Variants in MACROD2 observed in about 807,000 individuals in gnomAD.
The protein encoded by MACROD2 is mono-ADP ribosylhydrolase 2.
A neutral mutation model predicts 70.4 loss-of-function variants in MACROD2; 36 were observed. The observed-to-expected ratio is 0.51, with a 90% CI of 0.39 to 0.68. The LOEUF (loss-of-function observed/expected upper bound fraction) is 0.68, where lower values mean the gene tolerates loss of function less well. Ranked by LOEUF, MACROD2 falls within the 30% of genes least tolerant of loss-of-function variation. The pLI is 0.00. For missense variants in MACROD2, 496 were observed against 538.4 expected (o/e 0.92, Z 0.78); for synonymous variants, 172 against 178.8 (o/e 0.96, Z 0.30).
chr20:15,609,537 G>T (rs2048938335), intron 8 of MACROD2, among the ~76,000 whole-genome samples: 1 of 152,168 alleles, frequency 6.6e-6, no homozygotes, highest in South Asian at 2.1e-4. Flanking sequence ...GGAATACAGA[G>T]AATTCAGTTT....
At chr20:15,048,015 G>A (rs1056179625) in intron 5 of MACROD2, among the ~76,000 whole-genome samples, 3 of 152,206 alleles carry the variant, frequency 2.0e-5, no homozygotes, top group African/African-American at 7.2e-5. Flanking sequence ...TGTAATTCCA[G>A]CACTTTAAGA....
intron 5 of MACROD2, among the ~76,000 whole-genome samples, chr20:14,737,718 TTTTTCATA>T (rs2071684416): frequency 6.6e-6 from 1 of 152,218 alleles, no homozygotes; most frequent in Non-Finnish European, 1.5e-5. Context: ...TGATGAGCTT[TTTTTCATA>T]TGTTCATTGG....
chr20:14,063,005 C>T (rs1291622903), intron 2 of MACROD2, among the ~76,000 whole-genome samples: 1 of 152,104 alleles, frequency 6.6e-6, no homozygotes. Flanking sequence ...ATCTTGCAGT[C>T]TGCTTCAAAA....
At chr20:15,487,674 G>T (rs1052557725) in intron 7 of MACROD2, among the ~76,000 whole-genome samples, 6 of 152,090 alleles carry the variant, frequency 3.9e-5, no homozygotes, top group South Asian at 4.1e-4. Context: ...CATGGCCAAG[G>T]TCTGTCTTAA....
At chr20:15,660,014 G>A (rs1046830111) in intron 8 of MACROD2, among the ~76,000 whole-genome samples, 1 of 152,180 alleles carries the variant, frequency 6.6e-6, no homozygotes, top group East Asian at 1.9e-4. Flanking sequence ...GTTTCATGAA[G>A]GTAGAGTCTG....
chr20:14,378,054 T>G (rs2083388654), intron 3 of MACROD2, among the ~76,000 whole-genome samples: 1 of 152,230 alleles, frequency 6.6e-6, no homozygotes, highest in Admixed American at 6.5e-5. Context: ...GTAGTGGTTC[T>G]CAAACTTAGC....
intron 5 of MACROD2, among the ~76,000 whole-genome samples, chr20:15,042,746 A>G (rs149638226): frequency 1.1e-4 from 17 of 152,314 alleles, no homozygotes; most frequent in African/African-American, 4.1e-4. Context: ...GGAAATCTTA[A>G]TGATGAACTC....
chr20:16,035,761 T>C (rs2067226451), intron 15 of MACROD2, among the ~76,000 whole-genome samples: 1 of 101,376 alleles, frequency 9.9e-6, no homozygotes, highest in Non-Finnish European at 2.0e-5. Context: ...CTGCAACTAG[T>C]CTGGGCCAGG....
Position 14,326,056 on chromosome 20 carries a change from G to T in MACROD2, c.272-167423G>T. On this transcript the variant is annotated intron_variant, in intron 3 of 17. Transcript: ENST00000684519. The surrounding 1 kb of genome is among the most constrained non-coding windows in gnomAD (Gnocchi z 5.5). The stretch of plus-strand genomic sequence containing the variant: ...TTCATCAAATAGGTAGAGGTTGCTG[G>T]TTTCCATGGGAACCATGCATACTTT... The T allele has an allele frequency of 6.2e-7, 1 of 1,613,890 alleles. No homozygotes were observed. Among genetic ancestry groups the T allele is most frequent in the Non-Finnish European group, 8.5e-7 (1 of 1,179,890 alleles).
chr20:14,007,947 T>C (rs1402852655), intron 2 of MACROD2, among the ~76,000 whole-genome samples: 1 of 152,166 alleles, frequency 6.6e-6, no homozygotes, highest in African/African-American at 2.4e-5. Flanking sequence ...AATTATAAAA[T>C]TATCTTATAC....
At chr20:15,528,106 A>G (rs2047745495) in intron 8 of MACROD2, among the ~76,000 whole-genome samples, 1 of 151,794 alleles carries the variant, frequency 6.6e-6, no homozygotes, top group Non-Finnish European at 1.5e-5. Context: ...GGGGCAACTT[A>G]GCCCTCCAGG....
intron 8 of MACROD2, among the ~76,000 whole-genome samples, chr20:15,585,614 C>T (rs546925439): frequency 3.6e-4 from 55 of 152,264 alleles, no homozygotes; most frequent in African/African-American, 1.1e-3. Flanking sequence ...AATATCCAAG[C>T]TCTCTCCCCC....
chr20:14,349,711 A>G (rs2083102276), intron 3 of MACROD2, among the ~76,000 whole-genome samples: 1 of 150,264 alleles, frequency 6.7e-6, no homozygotes, highest in African/African-American at 2.4e-5. Context: ...AATAAGTGAG[A>G]ACATGTGATG....
chr20:15,500,223 A>G (rs1399294212), intron 8 of MACROD2, among the ~76,000 whole-genome samples: 1 of 152,190 alleles, frequency 6.6e-6, no homozygotes, highest in African/African-American at 2.4e-5. Flanking sequence ...TTCCTGGTGT[A>G]CAGTAATTGT....
chr20:14,210,743 C>G (rs1015609140), intron 3 of MACROD2, among the ~76,000 whole-genome samples: 1 of 152,140 alleles, frequency 6.6e-6, no homozygotes, highest in African/African-American at 2.4e-5. Flanking sequence ...TGTACAAATA[C>G]AATTAAAATT....
intron 5 of MACROD2, among the ~76,000 whole-genome samples, chr20:15,068,128 A>G (rs182585547): frequency 6.6e-6 from 1 of 152,298 alleles, no homozygotes; most frequent in African/African-American, 2.4e-5. Flanking sequence ...TCTGCCACCC[A>G]GAGGATAAAA....
intron 12 of MACROD2, among the ~76,000 whole-genome samples, chr20:15,938,554 T>C (rs1034395719): frequency 6.6e-6 from 1 of 152,158 alleles, no homozygotes; most frequent in African/African-American, 2.4e-5. Flanking sequence ...TTAGTAAATG[T>C]GGTTCTGACT....
chr20:15,920,421 T>C (rs1054112048), intron 10 of MACROD2, among the ~76,000 whole-genome samples: 2 of 152,238 alleles, frequency 1.3e-5, no homozygotes, highest in African/African-American at 4.8e-5. Context: ...GTAGCATAAC[T>C]ATATTAAAAT....
At chr20:14,612,017 C>A (rs907150258) in intron 4 of MACROD2, among the ~76,000 whole-genome samples, 1 of 152,018 alleles carries the variant, frequency 6.6e-6, no homozygotes, top group Non-Finnish European at 1.5e-5. Context: ...GAAATATGAT[C>A]TTTTTATTCT....
Sources: gnomAD v4.1 joint callset for allele counts (sites outside exome capture counted in the v4.1 genomes callset) on GRCh38, gnomAD v4.1.1 for gene constraint, Gnocchi (gnomAD v3.1) non-coding constraint, MANE v1.5 for transcripts, NCBI Gene and HGNC (gene_info 2026-07-23, HGNC 2026-07-21) for gene names.